Variants in CUX1 observed in about 807,000 individuals in gnomAD.
The protein encoded by CUX1 is protein CASP.
In CUX1, 31 loss-of-function variants were observed where a neutral mutation model predicts 158.8. That is an observed-to-expected ratio of 0.20 (90% CI 0.15 to 0.26). The LOEUF (loss-of-function observed/expected upper bound fraction) is 0.26. Ranked by LOEUF, CUX1 falls within the 10% of genes least tolerant of loss-of-function variation. The pLI is 1.00. For synonymous variants in CUX1, 879 were observed against 862.1 expected (o/e 1.02, Z -0.34); for missense variants, 1,589 against 2,014.6 (o/e 0.79, Z 4.04).
At chr7:102,143,759 A>G (rs554371781) in intron 8 of CUX1, among the ~76,000 whole-genome samples, 1 of 152,076 alleles carries the variant, frequency 6.6e-6, no homozygotes, top group Non-Finnish European at 1.5e-5. Flanking sequence ...ACCGCACAGG[A>G]CGGCCACTTC....
intron 2 of CUX1, among the ~76,000 whole-genome samples, chr7:101,944,578 G>GTCACACTTTGGTGCATT (rs1808145931): frequency 6.6e-6 from 1 of 152,162 alleles, no homozygotes. Context: ...TCTGCCTAAG[G>GTCACACTTTGGTGCATT]TCACACTTTG....
chr7:102,153,296 T>TA (rs1374853192), intron 8 of CUX1: 3 of 152,322 alleles, frequency 2.0e-5, no homozygotes, highest in Non-Finnish European at 4.4e-5. Flanking sequence ...GGCCTCTGTG[T>TA]AAAGCTGGGC....
At chr7:101,819,177 A>G (rs1387653875) in intron 1 of CUX1, among the ~76,000 whole-genome samples, 1 of 152,256 alleles carries the variant, frequency 6.6e-6, no homozygotes, top group African/African-American at 2.4e-5. Flanking sequence ...TGGTATTGCT[A>G]AGACTAGTTG....
chr7:102,047,013 G>A (rs1181701275), intron 3 of CUX1, among the ~76,000 whole-genome samples: 5 of 152,102 alleles, frequency 3.3e-5, no homozygotes, highest in Non-Finnish European at 7.4e-5. Context: ...CTCATGACAG[G>A]GCTGTAACCC....
At chr7:101,831,419 TG>T (rs1793994483) in intron 1 of CUX1, among the ~76,000 whole-genome samples, 1 of 152,076 alleles carries the variant, frequency 6.6e-6, no homozygotes, top group Non-Finnish European at 1.5e-5. Context: ...GCCTCCTGAA[TG>T]GTTGGGATTA....
chr7:101,884,799 A>G (rs1393459597), intron 1 of CUX1, among the ~76,000 whole-genome samples: 1 of 152,206 alleles, frequency 6.6e-6, no homozygotes, highest in Non-Finnish European at 1.5e-5. Context: ...GACACCATAA[A>G]CATTGGATAA....
At chr7:101,952,590 T>C (rs1809214159) in intron 2 of CUX1, among the ~76,000 whole-genome samples, 1 of 152,202 alleles carries the variant, frequency 6.6e-6, no homozygotes, top group South Asian at 2.1e-4. Context: ...CTCTGGCCAG[T>C]GTCCCTCCCT....
intron 4 of CUX1, among the ~76,000 whole-genome samples, chr7:102,086,752 T>C (rs563172266): frequency 6.6e-6 from 1 of 152,212 alleles, no homozygotes; most frequent in South Asian, 2.1e-4. Flanking sequence ...AATCTAATTA[T>C]TATTTTGGAT....
intron 17 of CUX1, among the ~76,000 whole-genome samples, chr7:102,277,501 C>T (rs962435009): frequency 6.6e-6 from 1 of 151,902 alleles, no homozygotes; most frequent in Non-Finnish European, 1.5e-5. Flanking sequence ...GAGGCTGAGG[C>T]AGGAGAATCG....
chr7:102,233,745 C>G (rs1424068957), intron 21 of CUX1, among the ~76,000 whole-genome samples: 1 of 152,194 alleles, frequency 6.6e-6, no homozygotes, highest in Middle Eastern at 3.2e-3. Context: ...CAAGATTACA[C>G]TACTGCGCTC....
chr7:101,998,780 G>A (rs778129754), intron 2 of CUX1, among the ~76,000 whole-genome samples: 1 of 152,092 alleles, frequency 6.6e-6, no homozygotes, highest in African/African-American at 2.4e-5. Flanking sequence ...GTGCTGTGTT[G>A]GGCAGGAAGC....
chr7:101,855,764 G>C (rs770950715), intron 1 of CUX1, among the ~76,000 whole-genome samples: 33 of 151,690 alleles, frequency 2.2e-4, no homozygotes, highest in Non-Finnish European at 2.8e-4. Context: ...TGTAATCCCA[G>C]CTACTCGGGA....
chr7:102,024,938 G>A (rs1481214494), intron 2 of CUX1, among the ~76,000 whole-genome samples: 1 of 152,162 alleles, frequency 6.6e-6, no homozygotes, highest in East Asian at 1.9e-4. Flanking sequence ...CTCGAGTTCA[G>A]GAGTCCAAAG....
chr7:102,226,906 T>A (rs1027937941), intron 20 of CUX1, among the ~76,000 whole-genome samples: 6 of 152,192 alleles, frequency 3.9e-5, no homozygotes, highest in African/African-American at 1.4e-4. Context: ...CTAAGGGTCT[T>A]CCTAACTGTG....
intron 3 of CUX1, among the ~76,000 whole-genome samples, chr7:102,062,889 GA>G (rs1825085788): frequency 6.6e-6 from 1 of 152,114 alleles, no homozygotes; most frequent in Admixed American, 6.5e-5. Flanking sequence ...CGGATCACCT[GA>G]GGTCGGGAGT....
At chr7:102,050,515 GC>G (rs1175460606) in intron 3 of CUX1, among the ~76,000 whole-genome samples, 1 of 152,026 alleles carries the variant, frequency 6.6e-6, no homozygotes, top group Non-Finnish European at 1.5e-5. Flanking sequence ...CCAACGCCAG[GC>G]CTCCCTGGGG....
At chr7:101,816,106 C>T (rs199911430), upstream of CUX1, 1,568 of 1,345,418 alleles carry the variant, frequency 1.2e-3, 15 homozygotes, top group African/African-American at 0.022. Context: ...CAGGCTCCTC[C>T]GCGCTCGGCC....
intron 2 of CUX1, among the ~76,000 whole-genome samples, chr7:101,972,157 G>A (rs561692404): frequency 2.0e-5 from 3 of 152,202 alleles, no homozygotes; most frequent in Non-Finnish European, 2.9e-5. Context: ...TAGTAGAGAC[G>A]GGGTTTCACC....
chr7:102,086,476 ATG>A (rs1434671243), intron 4 of CUX1, among the ~76,000 whole-genome samples: 3 of 152,142 alleles, frequency 2.0e-5, no homozygotes, highest in Admixed American at 6.5e-5. Context: ...CTTAAAGAGA[ATG>A]TGTATTCTGT....
Sources: allele counts gnomAD v4.1 joint callset (sites outside exome capture counted in the v4.1 genomes callset), GRCh38; gene constraint gnomAD v4.1.1; transcripts MANE v1.5; gene names NCBI Gene and HGNC (gene_info 2026-07-23, HGNC 2026-07-21).